CSNK1G1: variants seen among roughly 807,000 people sequenced by gnomAD.
CSNK1G1 encodes the protein casein kinase 1 gamma 1.
A neutral mutation model predicts 59.6 loss-of-function variants in CSNK1G1; 22 were observed. That is an observed-to-expected ratio of 0.37 (90% CI 0.26 to 0.53). CSNK1G1 has a LOEUF of 0.53. Among genes scored for constraint, CSNK1G1 ranks in the 20% least tolerant of loss-of-function variants. CSNK1G1 has a pLI of 0.89. For missense variants in CSNK1G1, 384 were observed against 519.5 expected (o/e 0.74, Z 2.54); for synonymous variants, 179 against 177.1 (o/e 1.01, Z -0.08).
intron 2 of CSNK1G1, among the ~76,000 whole-genome samples, chr15:64,296,213 C>T (rs1249563284): frequency 6.6e-6 from 1 of 152,182 alleles, no homozygotes; most frequent in Non-Finnish European, 1.5e-5. Flanking sequence ...ATCAGGCTCC[C>T]AGGCTCAAGC....
chr15:64,220,039 T>C (rs1373757486), intron 4 of CSNK1G1, among the ~76,000 whole-genome samples: 1 of 151,958 alleles, frequency 6.6e-6, no homozygotes, highest in Non-Finnish European at 1.5e-5. Flanking sequence ...CTCAAAGTGC[T>C]GGCATTACAG....
At chr15:64,178,419 C>A (rs561622343) in intron 11 of CSNK1G1, among the ~76,000 whole-genome samples, 1 of 151,862 alleles carries the variant, frequency 6.6e-6, no homozygotes, top group East Asian at 1.9e-4. Flanking sequence ...TCAAGTCATC[C>A]TCATTTACTT....
intron 1 of CSNK1G1, among the ~76,000 whole-genome samples, chr15:64,302,031 AG>A (rs1297804273): frequency 6.6e-6 from 1 of 152,214 alleles, no homozygotes; most frequent in East Asian, 1.9e-4. Context: ...CTAAAGTAAC[AG>A]GTAAAAAGCT....
At chr15:64,344,677 T>C (rs1897849635) in intron 1 of CSNK1G1, among the ~76,000 whole-genome samples, 1 of 152,196 alleles carries the variant, frequency 6.6e-6, no homozygotes, top group African/African-American at 2.4e-5. Context: ...ATTTCTTCAC[T>C]AACTGCAATG....
intron 10 of CSNK1G1, among the ~76,000 whole-genome samples, chr15:64,187,895 G>A (rs974619678): frequency 6.6e-6 from 1 of 152,100 alleles, no homozygotes; most frequent in Non-Finnish European, 1.5e-5. Context: ...GGAGAAAAAA[G>A]GAAACAGCCC....
chr15:64,255,669 C>T (rs1279681305), intron 3 of CSNK1G1, among the ~76,000 whole-genome samples: 1 of 152,154 alleles, frequency 6.6e-6, no homozygotes, highest in East Asian at 1.9e-4. Flanking sequence ...TTTCACCTTT[C>T]CTCATTGGTC....
intron 2 of CSNK1G1, among the ~76,000 whole-genome samples, chr15:64,286,129 C>T (rs62021621): frequency 1.3e-5 from 2 of 151,946 alleles, no homozygotes; most frequent in South Asian, 2.1e-4. Context: ...CACGTTCTCA[C>T]CCCCGGACCC....
chr15:64,170,430 C>T lies in CSNK1G1; in HGVS notation c.*1501G>A, dbSNP rs1390782731. 1 of 152,656 alleles carries T rather than the reference C, an allele frequency of 6.6e-6. No homozygotes were observed. The highest frequency in any genetic ancestry group is 2.1e-4 in the South Asian group (1 of 4,830). 9.5% of individuals were successfully genotyped at this position (152,656 alleles called of 1,614,324 possible). A position where few individuals can be genotyped will look rare whatever the true frequency, so the allele number is the denominator to read the frequency against. ...ATGTTCCAGCACCAAACAATCTTTC[C>T]CTCCTTTTAAATGCGGCCCCATATA... On this transcript the variant is annotated 3_prime_UTR_variant, in exon 12 of 12. Coordinates refer to ENST00000303052, the MANE Select transcript of CSNK1G1 (RefSeq NM_022048.5).
chr15:64,259,127 A>G, intron 3 of CSNK1G1, 74 bp downstream of exon 3: 1 of 1,321,664 alleles, frequency 7.6e-7, no homozygotes, highest in Non-Finnish European at 1.0e-6. Context: ...TGAATGCTTA[A>G]AACTATTTCC....
intron 1 of CSNK1G1, among the ~76,000 whole-genome samples, chr15:64,333,984 T>C (rs1428849155): frequency 1.3e-5 from 2 of 152,150 alleles, no homozygotes; most frequent in Admixed American, 1.3e-4. Flanking sequence ...TAGCCCTAGA[T>C]AGATAGATCT....
chr15:64,217,429 T>G (rs1381259750), intron 4 of CSNK1G1, among the ~76,000 whole-genome samples: 1 of 152,216 alleles, frequency 6.6e-6, no homozygotes, highest in Non-Finnish European at 1.5e-5. Flanking sequence ...CTCACCTAAG[T>G]GGCAAATTGT....
At chr15:64,199,594 C>T (rs1207442192) in intron 10 of CSNK1G1, among the ~76,000 whole-genome samples, 1 of 152,188 alleles carries the variant, frequency 6.6e-6, no homozygotes, top group Non-Finnish European at 1.5e-5. Context: ...GTGGCTCATG[C>T]CTGTAATCCC....
intron 2 of CSNK1G1, among the ~76,000 whole-genome samples, chr15:64,268,308 A>G (rs1893090533): frequency 6.6e-6 from 1 of 152,176 alleles, no homozygotes; most frequent in South Asian, 2.1e-4. Context: ...GGTGGTTATC[A>G]GAGGCTGGGG....
intron 6 of CSNK1G1, 149 bp from the exon 7 acceptor site, chr15:64,207,743 G>T (rs2082201254): frequency 1.6e-6 from 1 of 618,844 alleles, no homozygotes; most frequent in South Asian, 1.9e-5. Context: ...TAGTATTTTA[G>T]ATCAAAACCC....
intron 1 of CSNK1G1, among the ~76,000 whole-genome samples, chr15:64,321,277 A>G (rs72757000): frequency 0.045 from 6,458 of 143,464 alleles, 182 homozygotes; most frequent in South Asian, 0.084. Flanking sequence ...TTTTTTGGAG[A>G]TAGGGACTTG....
chr15:64,285,805 T>C (rs1347798396), intron 2 of CSNK1G1, among the ~76,000 whole-genome samples: 1 of 152,088 alleles, frequency 6.6e-6, no homozygotes, highest in East Asian at 1.9e-4. Context: ...AAAAACTACA[T>C]TTTGGAGGAA....
intron 1 of CSNK1G1, among the ~76,000 whole-genome samples, chr15:64,301,558 T>G (rs941837793): frequency 1.3e-5 from 2 of 152,094 alleles, no homozygotes; most frequent in African/African-American, 4.8e-5. Flanking sequence ...AACACACACT[T>G]ATATTTCACT....
chr15:64,277,663 TG>T (rs1893752823), intron 2 of CSNK1G1, among the ~76,000 whole-genome samples: 1 of 130,334 alleles, frequency 7.7e-6, no homozygotes, highest in African/African-American at 3.0e-5. Context: ...ATAGCAATAT[TG>T]ATATATTTAA....
chr15:64,337,278 T>C lies in CSNK1G1; in HGVS notation c.-225+18710A>G, dbSNP rs1039299139. Reference sequence around the variant, plus strand: ...AGCAAGCAGAACTCATAGAAACATATGACAAAAAAATGAGAGTGAAACTTC... The same window carrying C: ...AGCAAGCAGAACTCATAGAAACATACGACAAAAAAATGAGAGTGAAACTTC... On this transcript the variant is annotated intron_variant, in intron 1 of 11. Transcript: ENST00000303052. 3.0e-4 allele frequency among the ~76,000 whole-genome samples: 45 copies of C among 152,056 alleles called. 1 individual carries two copies. Among genetic ancestry groups the C allele is most frequent in the Non-Finnish European group, 2.9e-5 (2 of 68,016 alleles).
Sources: allele counts gnomAD v4.1 joint callset (sites outside exome capture counted in the v4.1 genomes callset), GRCh38; gene constraint gnomAD v4.1.1; transcripts MANE v1.5; gene names NCBI Gene and HGNC (gene_info 2026-07-23, HGNC 2026-07-21).